Variants in EFCAB13 observed in about 807,000 individuals in gnomAD.
The protein encoded by EFCAB13 is EF-hand calcium-binding domain-containing protein 13.
In EFCAB13, 91 loss-of-function variants were observed where a neutral mutation model predicts 110.2. The observed-to-expected ratio is 0.83, with a 90% CI of 0.70 to 0.98. EFCAB13 has a LOEUF of 0.98. Among genes scored for constraint, EFCAB13 ranks in the 50% least tolerant of loss-of-function variants. The pLI is 0.00. For synonymous variants in EFCAB13, 323 were observed against 369.9 expected, an observed-to-expected ratio of 0.87 and a Z score of 1.45; for missense variants, 968 against 1,119.4, an observed-to-expected ratio of 0.86 and a Z score of 1.93.
rs115095092 is a variant in EFCAB13 at position 47,358,941 on chromosome 17, T to C, written c.662-2437T>C. ...CTTATTTTCAGAGTTTTGAAACAAG[T>C]TGGTTCTGATAATTTTTGCCAGAGT... On this transcript the variant is annotated intron_variant, in intron 9 of 24. Coordinates refer to ENST00000331493, the MANE Select transcript of EFCAB13 (RefSeq NM_152347.5). Among the ~76,000 whole-genome samples, 399 of 152,322 alleles carry C rather than the reference T, an allele frequency of 2.6e-3. 2 individuals are homozygous for C. The highest frequency in any genetic ancestry group is 9.3e-3 in the African/African-American group (388 of 41,572).
At chr17:47,427,934 T>A (rs1323107641) in intron 23 of EFCAB13, among the ~76,000 whole-genome samples, 1 of 152,060 alleles carries the variant, frequency 6.6e-6, no homozygotes, top group East Asian at 1.9e-4. Context: ...ATAAAAAAAA[T>A]GTTTAAAAGC....
At chr17:47,410,077 T>C (rs756409951) in intron 21 of EFCAB13, among the ~76,000 whole-genome samples, 15 of 152,044 alleles carry the variant, frequency 9.9e-5, no homozygotes, top group Non-Finnish European at 1.8e-4. Context: ...TAGTCTGTTT[T>C]GTGTTGCTGT....
chr17:47,407,316 G>A (rs1319941199), intron 20 of EFCAB13, among the ~76,000 whole-genome samples: 1 of 152,202 alleles, frequency 6.6e-6, no homozygotes, highest in African/African-American at 2.4e-5. Context: ...CAAATAGAAA[G>A]CTATTGGAGT....
In EFCAB13 at chr17:47,324,503, G is replaced by C. The variant is rs2065269093; in HGVS notation, c.-268G>C. 6.6e-6 allele frequency: 1 copy of C among 152,170 alleles called. No homozygotes were observed. The highest frequency in any genetic ancestry group is 2.4e-5 in the African/African-American group (1 of 41,420). 9.4% of individuals were successfully genotyped at this position (152,170 alleles called of 1,614,324 possible). A position where few individuals can be genotyped will look rare whatever the true frequency, so the allele number is the denominator to read the frequency against. ...GGTCTATGGGAAGCCTCCTCAGCGT[G>C]GGTTCTTGGAAGAGGTGGAGGTTCG... On this transcript the variant is annotated 5_prime_UTR_variant, in exon 2 of 25. Coordinates refer to ENST00000331493, the MANE Select transcript of EFCAB13 (RefSeq NM_152347.5).
chr17:47,359,718 G>T (rs1405433392), intron 9 of EFCAB13, among the ~76,000 whole-genome samples: 2 of 149,134 alleles, frequency 1.3e-5, no homozygotes, highest in Admixed American at 6.7e-5. Flanking sequence ...CTGGTGTGCT[G>T]CACCCATTAA....
At chr17:47,367,166 C>T (rs1013291756) in intron 10 of EFCAB13, among the ~76,000 whole-genome samples, 1 of 152,064 alleles carries the variant, frequency 6.6e-6, no homozygotes, top group African/African-American at 2.4e-5. Context: ...AATAAGAAAC[C>T]AAAATGTAGG....
chr17:47,416,877 G>A (rs574515336), intron 23 of EFCAB13, among the ~76,000 whole-genome samples: 2 of 152,262 alleles, frequency 1.3e-5, no homozygotes, highest in South Asian at 4.1e-4. Flanking sequence ...TAATGAAAAC[G>A]AAAGAAAGTC....
At chr17:47,361,345 G>A (rs766954226) in intron 9 of EFCAB13, 33 bp from the exon 10 acceptor site, 7 of 1,601,830 alleles carry the variant, frequency 4.4e-6, no homozygotes, top group Non-Finnish European at 6.0e-6. Flanking sequence ...AAAAGCTGTT[G>A]ATTCTCATGG....
intron 3 of EFCAB13, among the ~76,000 whole-genome samples, chr17:47,327,627 T>C (rs536311905): frequency 6.6e-6 from 1 of 152,318 alleles, no homozygotes; most frequent in East Asian, 1.9e-4. Context: ...ACTAATTGAT[T>C]TGTATTTTTA....
At chr17:47,350,601 GT>G (rs148096538) in intron 9 of EFCAB13, among the ~76,000 whole-genome samples, 3 of 150,108 alleles carry the variant, frequency 2.0e-5, no homozygotes, top group Admixed American at 1.3e-4. Flanking sequence ...GTGTGTGTGT[GT>G]TTTTTTTTCT....
intron 23 of EFCAB13, 31 bp downstream of exon 23, chr17:47,414,950 G>T: frequency 7.0e-7 from 1 of 1,425,670 alleles, no homozygotes; most frequent in Non-Finnish European, 9.7e-7. Context: ...CAAGAGAATG[G>T]CTAGAAAATA....
chr17:47,384,157 TG>T (rs376633537), intron 14 of EFCAB13, among the ~76,000 whole-genome samples: 7 of 147,790 alleles, frequency 4.7e-5, no homozygotes, highest in African/African-American at 1.0e-4. Flanking sequence ...TTTTTTTTTT[TG>T]TTTTTTTTTT....
At chr17:47,423,504 G>C (rs1174425495) in intron 23 of EFCAB13, 1 of 250,770 alleles carries the variant, frequency 4.0e-6, no homozygotes, top group Non-Finnish European at 7.6e-6. Flanking sequence ...TCGGCGCGCA[G>C]GTGGCTCCTC....
At chr17:47,370,738 GT>G (rs764924546) in intron 11 of EFCAB13, among the ~76,000 whole-genome samples, 67,844 of 127,150 alleles carry the variant, frequency 0.53, 16,056 homozygotes, top group African/African-American at 0.6. Context: ...GTTGTTGTTT[GT>G]TTTTTTTTTT....
At chr17:47,357,486 C>G (rs1284981133) in intron 9 of EFCAB13, among the ~76,000 whole-genome samples, 2 of 152,234 alleles carry the variant, frequency 1.3e-5, no homozygotes, top group Non-Finnish European at 2.9e-5. Context: ...CGCGATCTCG[C>G]TCACTGCAAC....
chr17:47,385,063 G>T (rs570182595), intron 14 of EFCAB13, among the ~76,000 whole-genome samples: 1 of 152,106 alleles, frequency 6.6e-6, no homozygotes, highest in African/African-American at 2.4e-5. Flanking sequence ...GAGCCACCAC[G>T]CTCAGCCAAC....
chr17:47,344,910 A>G (rs2065406662), intron 7 of EFCAB13, 106 bp from the exon 8 acceptor site: 3 of 827,962 alleles, frequency 3.6e-6, no homozygotes, highest in Admixed American at 4.5e-5. Context: ...CAGTTCTTCA[A>G]GAAAGGTTCT....
chr17:47,362,510 C>T lies in EFCAB13; in HGVS notation c.805+989C>T, dbSNP rs574979196. On this transcript the variant is annotated intron_variant, in intron 10 of 24. Coordinates refer to ENST00000331493, the MANE Select transcript of EFCAB13 (RefSeq NM_152347.5). ...CTGGGAAAGGCAGTCTCCCTTTCCC[C>T]GGGGGAGTTTAGAGAAGACTCTACT... Among the ~76,000 whole-genome samples the T allele has an allele frequency of 3.4e-4, 51 of 152,212 alleles. No individual in the cohort carries two copies. In the East Asian group the frequency reaches 7.9e-3, roughly 24 times the overall value.
At chr17:47,425,366 T>TA (rs1904916190) in intron 23 of EFCAB13, among the ~76,000 whole-genome samples, 1 of 152,180 alleles carries the variant, frequency 6.6e-6, no homozygotes, top group Non-Finnish European at 1.5e-5. Flanking sequence ...GTCACAATAG[T>TA]ACCTCTGTCA....
Sources: allele counts gnomAD v4.1 joint callset (sites outside exome capture counted in the v4.1 genomes callset), GRCh38; gene constraint gnomAD v4.1.1; transcripts MANE v1.5; gene names NCBI Gene and HGNC (gene_info 2026-07-23, HGNC 2026-07-21).